SUPT20HL2: variants seen among roughly 807,000 people sequenced by gnomAD.
SUPT20HL2 encodes SUPT20H like 2, also known as transcription factor SPT20 homolog-like 2.
For synonymous variants in SUPT20HL2, 125 were observed against 51.6 expected (o/e 2.42, Z -6.10); for missense variants, 288 against 127.4 (o/e 2.26, Z -6.07).
Position 24,311,568 on chromosome X carries a change from C to T in SUPT20HL2, c.1748G>A (p.Arg583Gln), listed in dbSNP as rs780758825. ...ACTGCACCCCAAAACCTGGGCTCCC[C>T]GGACTGGGCCCTCCACGTTGGTGGC... Reference protein sequence around the residue: ...LKATNVEGPVRGAQVLGCSFK... With the variant: ...LKATNVEGPVQGAQVLGCSFK... Residue 583 changes from arginine (R) to glutamine (Q), a missense_variant, in exon 1 of 1, where the codon CGG (arginine) becomes CAG (glutamine). By Grantham distance (43) the Arg-to-Gln change is conservative (BLOSUM62 1). Transcript: ENST00000486479. The T allele has an allele frequency of 3.1e-5, 12 of 384,760 alleles. No homozygotes were observed. The highest frequency in any genetic ancestry group is 9.4e-5 in the South Asian group (4 of 42,421). The allele number at this position is 384,760 out of a possible 1,213,427, so 31.7% of individuals were successfully genotyped here.
In SUPT20HL2 at chrX:24,311,773, G is replaced by C. The variant is rs150066125; in HGVS notation, c.1543C>G (p.Pro515Ala). ...GCCACAGCAGCAGCAGCTAAAGCAG[G>C]AGCAGCAGCAGGAGCAGGAGCAGGA... The part of the protein sequence containing the change: ...PAPAPAPAAA[P>A]ALAAAAVAAA... Residue 515 changes from proline (P) to alanine (A), a missense_variant, in exon 1 of 1, where the codon CCT (proline) becomes GCT (alanine). Transcript: ENST00000486479. 13,957 of 337,127 alleles carry C rather than the reference G, an allele frequency of 0.041. 631 individuals carry two copies. The highest frequency in any genetic ancestry group is 0.2 in the African/African-American group (7,488 of 37,081). 27.8% of individuals were successfully genotyped at this position (337,127 alleles called of 1,213,427 possible).
Position 24,312,789 on chromosome X carries a change from G to T in SUPT20HL2, c.527C>A (p.Pro176His), listed in dbSNP as rs1799529. Residue 176 changes from proline (P) to histidine (H), a missense_variant, in exon 1 of 1, where the codon CCT becomes CAT. By Grantham distance (77) the Pro-to-His change is moderately conservative. Coordinates refer to ENST00000486479, the MANE Select transcript of SUPT20HL2 (RefSeq NM_001136233.3). ...LLRPTMQTLA[P>H]EVKTMTRDGE... ...ATCTCTTGTCATCGTCTTCACCTCA[G>T]GGGCTAAAGTCTGCATGGTTGGACG... The T allele has an allele frequency of 1.0e-4, 39 of 384,453 alleles. No individual in the cohort carries two copies. Among genetic ancestry groups the T allele is most frequent in the South Asian group, 5.6e-4 (24 of 42,569 alleles). 31.7% of individuals were successfully genotyped at this position (384,453 alleles called of 1,213,427 possible). A position where few individuals can be genotyped will look rare whatever the true frequency, so the allele number is the denominator to read the frequency against.
chrX:24,310,915 T>A lies in SUPT20HL2; in HGVS notation c.2401A>T (p.Ser801Cys), dbSNP rs1204170277. Reference sequence around the variant, plus strand: ...CCCTTCCTCTGACCTACCAACTGGCTCCCTGCTTGCACACCTGGATGTGGC... The same window carrying A: ...CCCTTCCTCTGACCTACCAACTGGCACCCTGCTTGCACACCTGGATGTGGC... ...VQPHPGVQAGSQLVGQRKGGK... is the reference protein window; with the variant it reads ...VQPHPGVQAGCQLVGQRKGGK... The change falls in exon 1 of 1, where the codon AGC becomes TGC. Residue 801 changes from serine (S) to cysteine (C), a missense_variant. Coordinates refer to ENST00000486479, the MANE Select transcript of SUPT20HL2 (RefSeq NM_001136233.3). 1 of 387,075 alleles carries A rather than the reference T, an allele frequency of 2.6e-6. No individual in the cohort carries two copies. The highest frequency in any genetic ancestry group is 5.2e-6 in the Non-Finnish European group (1 of 192,567). The allele number at this position is 387,075 out of a possible 1,213,427, so 31.9% of individuals were successfully genotyped here.
chrX:24,313,449 C>T lies in SUPT20HL2; in HGVS notation c.-134G>A, dbSNP rs138774825. Reference sequence around the variant, plus strand: ...GTCCACACTGAGTTCAACACGGGCACCTGCCCAGAAACCCGCCCCCAGGGA... The same window carrying T: ...GTCCACACTGAGTTCAACACGGGCATCTGCCCAGAAACCCGCCCCCAGGGA... On this transcript the variant is annotated 5_prime_UTR_variant, in exon 1 of 1. In the 5' UTR this introduces an upstream ATG that the reference lacks. Coordinates refer to ENST00000486479, the MANE Select transcript of SUPT20HL2 (RefSeq NM_001136233.3). The T allele has an allele frequency of 4.1e-4, 141 of 341,076 alleles. No individual in the cohort carries two copies. Among genetic ancestry groups the T allele is most frequent in the African/African-American group, 2.9e-3 (109 of 38,024 alleles). 28.1% of individuals were successfully genotyped at this position (341,076 alleles called of 1,213,427 possible).
chrX:24,309,725 T>TAAAAAA lies in SUPT20HL2; in HGVS notation c.*1136_*1137insTTTTTT, dbSNP rs1569195686. 2.4e-4 allele frequency among the ~76,000 whole-genome samples: 4 copies of TAAAAAA among 16,885 alleles called. No homozygotes were observed. The highest frequency in any genetic ancestry group is 4.3e-3 in the East Asian group (2 of 464). The allele number at this position is 16,885 out of a possible 115,157, so 14.7% of individuals were successfully genotyped here. On this transcript the variant is annotated 3_prime_UTR_variant, in exon 1 of 1. Coordinates refer to ENST00000486479, the MANE Select transcript of SUPT20HL2 (RefSeq NM_001136233.3). ...AAAATTAAAAAAAAAAAGAAAAAAA[T>TAAAAAA]AATAAAAATAAAAAAAAAAAGAAAA... is the stretch of plus-strand genomic sequence containing the variant.
In SUPT20HL2 at chrX:24,311,876, A is replaced by G; in HGVS notation, c.1440T>C (p.Phe480=). Residue 480 remains phenylalanine (F), a synonymous_variant, in exon 1 of 1, where the codon TTT becomes TTC. Transcript: ENST00000486479. ...SSGKISSGNS[F]PPQQAGSPLK... is the part of the protein sequence containing the mutation. Reference sequence around the variant, plus strand: ...GAGGGCTGCCTGCCTGTTGTGGGGGAAAACTGTTACCTGAGGAAATCTTTC... The same window carrying G: ...GAGGGCTGCCTGCCTGTTGTGGGGGGAAACTGTTACCTGAGGAAATCTTTC... The G allele has an allele frequency of 2.9e-6, 1 of 349,512 alleles. No homozygotes were observed. 28.8% of individuals were successfully genotyped at this position (349,512 alleles called of 1,213,427 possible).
chrX:24,308,508 G>A lies in SUPT20HL2; in HGVS notation c.*2354C>T, dbSNP rs1457931025. ...CTTGGTGTCACTTAGGAAATTCGACGTGTTTGCTTGAAGTTGGTCAAATCT... is the reference window on the plus strand; with the variant it reads ...CTTGGTGTCACTTAGGAAATTCGACATGTTTGCTTGAAGTTGGTCAAATCT... On this transcript the variant is annotated 3_prime_UTR_variant, in exon 1 of 1. Coordinates refer to ENST00000486479, the MANE Select transcript of SUPT20HL2 (RefSeq NM_001136233.3). Among the ~76,000 whole-genome samples, 1 of 112,286 alleles carries A rather than the reference G, an allele frequency of 8.9e-6. No individual in the cohort carries two copies. The highest frequency in any genetic ancestry group is 2.8e-4 in the East Asian group (1 of 3,624).
rs73205129 is a variant in SUPT20HL2, at chrX:24,312,269, G to A, written c.1047C>T (p.Asp349=). Residue 349 remains aspartate (D), a synonymous_variant, in exon 1 of 1, where the codon GAC becomes GAT. Transcript: ENST00000486479. ...ACGACTGCATGATGTTTGGCTTGGT[G>A]TCCCAGGCCTGACAGCCAGCTTCCC... The part of the protein sequence containing the change: ...HAWEAGCQAW[D]TKPNIMQSFN... The A allele has an allele frequency of 0.08, 30,958 of 384,773 alleles. 909 individuals are homozygous for A. The highest frequency in any genetic ancestry group is 0.13 in the South Asian group (5,546 of 42,498). The allele number at this position is 384,773 out of a possible 1,213,427, so 31.7% of individuals were successfully genotyped here. A position where few individuals can be genotyped will look rare whatever the true frequency, so the allele number is the denominator to read the frequency against.
At position 24,309,735 on chromosome X, in the gene SUPT20HL2, A is replaced by AAAAAAAAAAAT; in HGVS notation, c.*1126_*1127insATTTTTTTTTT. Among the ~76,000 whole-genome samples the AAAAAAAAAAAT allele has an allele frequency of 3.8e-5, 2 of 52,902 alleles. No homozygotes were observed. Among genetic ancestry groups the AAAAAAAAAAAT allele is most frequent in the Non-Finnish European group, 3.1e-5 (1 of 32,716 alleles). The allele number at this position is 52,902 out of a possible 115,157, so 45.9% of individuals were successfully genotyped here. A position where few individuals can be genotyped will look rare whatever the true frequency, so the allele number is the denominator to read the frequency against. ...AAAAAAAGAAAAAAATAATAAAAAT[A>AAAAAAAAAAAT]AAAAAAAAAAGAAAAAAAAAAAAAA... is the stretch of plus-strand genomic sequence containing the variant. On this transcript the variant is annotated 3_prime_UTR_variant, in exon 1 of 1. Transcript: ENST00000486479.
chrX:24,311,680 T>C lies in SUPT20HL2; in HGVS notation c.1636A>G (p.Arg546Gly), dbSNP rs1291493592. 1 of 382,886 alleles carries C rather than the reference T, an allele frequency of 2.6e-6. No homozygotes were observed. Among genetic ancestry groups the C allele is most frequent in the South Asian group, 2.4e-5 (1 of 42,497 alleles). The allele number at this position is 382,886 out of a possible 1,213,427, so 31.6% of individuals were successfully genotyped here. ...KPSVPLIKASRRRPAAGRPTR... is the reference protein window; with the variant it reads ...KPSVPLIKASGRRPAAGRPTR... ...GGGCGCCCGGCAGCTGGACGGCGCC[T>C]GCTAGCTTTAATAAGAGGCACAGAG... The change falls in exon 1 of 1, where the codon AGG becomes GGG. Residue 546 changes from arginine to glycine, a missense_variant. By Grantham distance (125) the Arg-to-Gly change is moderately radical. Transcript: ENST00000486479.
Position 24,309,681 on chromosome X carries a change from A to T in SUPT20HL2, c.*1181T>A, listed in dbSNP as rs1470626899. On this transcript the variant is annotated 3_prime_UTR_variant, in exon 1 of 1. Coordinates refer to ENST00000486479, the MANE Select transcript of SUPT20HL2 (RefSeq NM_001136233.3). ...ACCCTAAAACTTAGAGTATAATAAA[A>T]AAAAAAAAATTAAAAAAAAAAATTA... 2.2e-5 allele frequency among the ~76,000 whole-genome samples: 2 copies of T among 88,973 alleles called. No homozygotes were observed. The highest frequency in any genetic ancestry group is 4.2e-5 in the Non-Finnish European group (2 of 47,812). 77.3% of individuals were successfully genotyped at this position (88,973 alleles called of 115,157 possible). A position where few individuals can be genotyped will look rare whatever the true frequency, so the allele number is the denominator to read the frequency against.
Position 24,309,746 on chromosome X carries a change from G to GAAAAAAAAAAAAAAAAAAAAACAAC in SUPT20HL2, c.*1115_*1116insGTTGTTTTTTTTTTTTTTTTTTTTT, listed in dbSNP as rs1939101282. On this transcript the variant is annotated 3_prime_UTR_variant, in exon 1 of 1. Transcript: ENST00000486479. ...AAAATAATAAAAATAAAAAAAAAAA[G>GAAAAAAAAAAAAAAAAAAAAACAAC]AAAAAAAAAAAAAAAAAAAAAAACA... Among the ~76,000 whole-genome samples the GAAAAAAAAAAAAAAAAAAAAACAAC allele has an allele frequency of 4.6e-5, 1 of 21,784 alleles. No individual in the cohort carries two copies. The highest frequency in any genetic ancestry group is 2.4e-4 in the African/African-American group (1 of 4,156). 18.9% of individuals were successfully genotyped at this position (21,784 alleles called of 115,157 possible).
Position 24,309,758 on chromosome X carries a change from A to G in SUPT20HL2, c.*1104T>C, listed in dbSNP as rs1292554272. Among the ~76,000 whole-genome samples, 1 of 92,496 alleles carries G rather than the reference A, an allele frequency of 1.1e-5. No homozygotes were observed. Among genetic ancestry groups the G allele is most frequent in the Non-Finnish European group, 2.1e-5 (1 of 46,751 alleles). 80.3% of individuals were successfully genotyped at this position (92,496 alleles called of 115,157 possible). A position where few individuals can be genotyped will look rare whatever the true frequency, so the allele number is the denominator to read the frequency against. On this transcript the variant is annotated 3_prime_UTR_variant, in exon 1 of 1. Coordinates refer to ENST00000486479, the MANE Select transcript of SUPT20HL2 (RefSeq NM_001136233.3). ...ATAAAAAAAAAAAGAAAAAAAAAAA[A>G]AAAAAAAAAAACATCCAAAAAGAGC... is the stretch of plus-strand genomic sequence containing the variant.
chrX:24,308,608 GT>G lies in SUPT20HL2; in HGVS notation c.*2253del, dbSNP rs1939085392. On this transcript the variant is annotated 3_prime_UTR_variant, in exon 1 of 1. Transcript: ENST00000486479. ...ACTGGATACCTGTCTCTTTACTGAT[GT>G]CTTTTGGAATGCCAGATCAAATCTC... Among the ~76,000 whole-genome samples, 1 of 112,333 alleles carries G rather than the reference GT, an allele frequency of 8.9e-6. No individual in the cohort carries two copies. The highest frequency in any genetic ancestry group is 3.2e-5 in the African/African-American group (1 of 30,935).
chrX:24,311,751 A>G lies in SUPT20HL2; in HGVS notation c.1565T>C (p.Val522Ala). 1 of 355,207 alleles carries G rather than the reference A, an allele frequency of 2.8e-6. No individual in the cohort carries two copies. The highest frequency in any genetic ancestry group is 5.6e-6 in the Non-Finnish European group (1 of 177,002). The allele number at this position is 355,207 out of a possible 1,213,427, so 29.3% of individuals were successfully genotyped here. A position where few individuals can be genotyped will look rare whatever the true frequency, so the allele number is the denominator to read the frequency against. The change falls in exon 1 of 1, where the codon GTG (valine) becomes GCG (alanine). Residue 522 changes from valine (V) to alanine (A), a missense_variant. By Grantham distance (64) the Val-to-Ala change is moderately conservative. Coordinates refer to ENST00000486479, the MANE Select transcript of SUPT20HL2 (RefSeq NM_001136233.3). ...AAAPALAAAA[V>A]AAAAGGAAPS... The stretch of plus-strand genomic sequence containing the variant: ...TGCCGCCCCACCGGCCGCCGCCGCC[A>G]CAGCAGCAGCAGCTAAAGCAGGAGC...
In SUPT20HL2 at chrX:24,309,734, T is replaced by TAAAAAAAAAAA. The variant is rs1429702092; in HGVS notation, c.*1117_*1127dup. Among the ~76,000 whole-genome samples the TAAAAAAAAAAA allele has an allele frequency of 5.7e-4, 9 of 15,694 alleles. No individual in the cohort carries two copies. Among genetic ancestry groups the TAAAAAAAAAAA allele is most frequent in the Non-Finnish European group, 5.8e-4 (6 of 10,380 alleles). The allele number at this position is 15,694 out of a possible 115,157, so 13.6% of individuals were successfully genotyped here. A position where few individuals can be genotyped will look rare whatever the true frequency, so the allele number is the denominator to read the frequency against. Reference sequence around the variant, plus strand: ...AAAAAAAAGAAAAAAATAATAAAAATAAAAAAAAAAAGAAAAAAAAAAAAA... The same window carrying TAAAAAAAAAAA: ...AAAAAAAAGAAAAAAATAATAAAAATAAAAAAAAAAAAAAAAAAAAAAGAAAAAAAAAAAAA... On this transcript the variant is annotated 3_prime_UTR_variant, in exon 1 of 1. Coordinates refer to ENST00000486479, the MANE Select transcript of SUPT20HL2 (RefSeq NM_001136233.3).
At position 24,309,734 on chromosome X, in the gene SUPT20HL2, T is replaced by TAAAAAAAAGAAAAAAAAAAAAAAAAAAA. The variant is rs1939099521; in HGVS notation, c.*1127_*1128insTTTTTTTTTTTTTTTTTTTCTTTTTTTT. On this transcript the variant is annotated 3_prime_UTR_variant, in exon 1 of 1. Transcript: ENST00000486479. ...AAAAAAAAGAAAAAAATAATAAAAATAAAAAAAAAAAGAAAAAAAAAAAAA... is the reference window on the plus strand; with the variant it reads ...AAAAAAAAGAAAAAAATAATAAAAATAAAAAAAAGAAAAAAAAAAAAAAAAAAAAAAAAAAAAAAGAAAAAAAAAAAAA... Among the ~76,000 whole-genome samples, 1 of 15,706 alleles carries TAAAAAAAAGAAAAAAAAAAAAAAAAAAA rather than the reference T, an allele frequency of 6.4e-5. No homozygotes were observed. Among genetic ancestry groups the TAAAAAAAAGAAAAAAAAAAAAAAAAAAA allele is most frequent in the African/African-American group, 3.4e-4 (1 of 2,899 alleles). 13.6% of individuals were successfully genotyped at this position (15,706 alleles called of 115,157 possible).
chrX:24,309,746 GAA>G lies in SUPT20HL2; in HGVS notation c.*1114_*1115del. Among the ~76,000 whole-genome samples, 1,079 of 21,820 alleles carry G rather than the reference GAA, an allele frequency of 0.049. 31 individuals carry two copies. The highest frequency in any genetic ancestry group is 0.15 in the African/African-American group (614 of 4,157). The allele number at this position is 21,820 out of a possible 115,157, so 18.9% of individuals were successfully genotyped here. ...AAAATAATAAAAATAAAAAAAAAAAGAAAAAAAAAAAAAAAAAAAAAAACATC... is the reference window on the plus strand; with the variant it reads ...AAAATAATAAAAATAAAAAAAAAAAGAAAAAAAAAAAAAAAAAAAAACATC... On this transcript the variant is annotated 3_prime_UTR_variant, in exon 1 of 1. Transcript: ENST00000486479.
rs1569195653 is a variant in SUPT20HL2 at position 24,309,704 on chromosome X, T to TAAAAA, written c.*1157_*1158insTTTTT. Among the ~76,000 whole-genome samples the TAAAAA allele has an allele frequency of 1.1e-4, 2 of 18,346 alleles. No homozygotes were observed. The highest frequency in any genetic ancestry group is 3.0e-4 in the African/African-American group (1 of 3,382). The allele number at this position is 18,346 out of a possible 115,157, so 15.9% of individuals were successfully genotyped here. A position where few individuals can be genotyped will look rare whatever the true frequency, so the allele number is the denominator to read the frequency against. ...AAAAAAAAAAAATTAAAAAAAAAAA[T>TAAAAA]TAAAAAAAAAAAGAAAAAAATAATA... On this transcript the variant is annotated 3_prime_UTR_variant, in exon 1 of 1. Coordinates refer to ENST00000486479, the MANE Select transcript of SUPT20HL2 (RefSeq NM_001136233.3).
Sources: gnomAD v4.1 joint callset for allele counts (sites outside exome capture counted in the v4.1 genomes callset) on GRCh38, gnomAD v4.1.1 for gene constraint, MANE v1.5 for transcripts, NCBI Gene and HGNC (gene_info 2026-07-23, HGNC 2026-07-21) for gene names.